Variants in CUX2 observed in about 807,000 individuals in gnomAD.
CUX2 encodes homeobox protein cut-like 2.
Under a neutral mutation model 144.8 loss-of-function variants are expected in CUX2, and 40 were observed. That is an observed-to-expected ratio of 0.28 (90% CI 0.21 to 0.36). The LOEUF (loss-of-function observed/expected upper bound fraction) is 0.36, where lower values mean the gene tolerates loss of function less well. Among genes scored for constraint, CUX2 ranks in the 10% least tolerant of loss-of-function variants. CUX2 has a pLI of 1.00. For missense variants in CUX2, 1,615 were observed against 1,994.0 expected (o/e 0.81, Z 3.62); for synonymous variants, 827 against 875.6 (o/e 0.94, Z 0.98).
In CUX2 at chr12:111,310,244, G is replaced by A; in HGVS notation, c.1462G>A (p.Glu488Lys). 1 of 1,509,842 alleles carries A rather than the reference G, an allele frequency of 6.6e-7. No homozygotes were observed. The highest frequency in any genetic ancestry group is 1.3e-5 in the South Asian group (1 of 74,164). 93.5% of individuals were successfully genotyped at this position (1,509,842 alleles called of 1,614,324 possible). A position where few individuals can be genotyped will look rare whatever the true frequency, so the allele number is the denominator to read the frequency against. The change falls in exon 15 of 22, where the codon GAG becomes AAG. Residue 488 changes from glutamate to lysine, a missense_variant. Glu to Lys is a moderately conservative substitution (Grantham distance 56). Transcript: ENST00000261726. This position sits in a 1 kb window ranked among gnomAD's most constrained non-coding sequence, Gnocchi z 7.9. ...LSPFPSLASGERLMMPPAAFK... is the reference protein window; with the variant it reads ...LSPFPSLASGKRLMMPPAAFK... ...CCCCTTCCCCAGCCTGGCATCAGGG[G>A]AGAGACTGATGATGCCCCCAGCCGC...
intron 1 of CUX2, among the ~76,000 whole-genome samples, chr12:111,148,048 C>G (rs1876808738): frequency 6.6e-6 from 1 of 152,216 alleles, no homozygotes; most frequent in African/African-American, 2.4e-5. Context: ...TCTTGCTACA[C>G]ACCCTAAAAA....
chr12:111,089,105 G>A (rs1237596229), intron 1 of CUX2, among the ~76,000 whole-genome samples: 2 of 152,220 alleles, frequency 1.3e-5, no homozygotes, highest in Admixed American at 1.3e-4. Context: ...ATTCCAAGTG[G>A]AGATGCAGTT....
intron 1 of CUX2, among the ~76,000 whole-genome samples, chr12:111,203,399 G>A (rs1342328982): frequency 6.6e-6 from 1 of 151,918 alleles, no homozygotes; most frequent in Non-Finnish European, 1.5e-5. Flanking sequence ...TAAAAAGTTA[G>A]TTGCACGTGG....
At chr12:111,235,684 G>A (rs1882704223) in intron 3 of CUX2, among the ~76,000 whole-genome samples, 1 of 151,882 alleles carries the variant, frequency 6.6e-6, no homozygotes, top group African/African-American at 2.4e-5. Context: ...TCGCGCCACT[G>A]CACTCTAGCC....
chr12:111,346,542 G>A (rs976871131), intron 21 of CUX2, among the ~76,000 whole-genome samples: 12 of 151,700 alleles, frequency 7.9e-5, no homozygotes, highest in African/African-American at 2.2e-4. Context: ...CATGATAAGC[G>A]CCCATTATTA....
At chr12:111,337,178 A>G (rs1417770686) in intron 19 of CUX2, among the ~76,000 whole-genome samples, 1 of 151,878 alleles carries the variant, frequency 6.6e-6, no homozygotes, top group Admixed American at 6.6e-5. Flanking sequence ...TTGTCCCCAA[A>G]AAAATGAAAA....
At chr12:111,200,546 C>CTTT (rs1880514472) in intron 1 of CUX2, among the ~76,000 whole-genome samples, 1 of 151,886 alleles carries the variant, frequency 6.6e-6, no homozygotes, top group Admixed American at 6.6e-5. Flanking sequence ...GAGCTTCTGT[C>CTTT]GTGGGGTCAT....
chr12:111,119,393 C>T (rs1226459990), intron 1 of CUX2, among the ~76,000 whole-genome samples: 1 of 151,910 alleles, frequency 6.6e-6, no homozygotes, highest in Non-Finnish European at 1.5e-5. Flanking sequence ...CGCTTGAGTC[C>T]AGGAATTTGA....
At chr12:111,056,924 T>A (rs1005039939) in intron 1 of CUX2, among the ~76,000 whole-genome samples, 1 of 151,398 alleles carries the variant, frequency 6.6e-6, no homozygotes, top group African/African-American at 2.4e-5. Context: ...GTGAGGTGAG[T>A]TGGTGTGACA....
At chr12:111,165,785 T>C (rs942562987) in intron 1 of CUX2, among the ~76,000 whole-genome samples, 2 of 152,112 alleles carry the variant, frequency 1.3e-5, no homozygotes, top group African/African-American at 4.8e-5. Flanking sequence ...GGTGGGAAAA[T>C]GTACACCATG....
At position 111,253,181 on chromosome 12, in the gene CUX2, C is replaced by T. The variant is rs866111039; in HGVS notation, c.223-10580C>T. 2.6e-5 allele frequency among the ~76,000 whole-genome samples: 4 copies of T among 152,130 alleles called. No individual in the cohort carries two copies. In the South Asian group the frequency reaches 8.3e-4, roughly 32 times the overall value. The stretch of plus-strand genomic sequence containing the variant: ...TTCTCCGCACAACAGCCAGATGGGT[C>T]CTGTTAAAACGCGTGTCAGATCACA... On this transcript the variant is annotated intron_variant, in intron 3 of 21. Coordinates refer to ENST00000261726, the MANE Select transcript of CUX2 (RefSeq NM_015267.4).
Position 111,277,522 on chromosome 12 carries a change from G to A in CUX2, c.301+13683G>A, listed in dbSNP as rs1311596330. On this transcript the variant is annotated intron_variant, in intron 4 of 21. Coordinates refer to ENST00000261726, the MANE Select transcript of CUX2 (RefSeq NM_015267.4). This position sits in a 1 kb window ranked among gnomAD's most constrained non-coding sequence, Gnocchi z 5.0. ...CCCCTCACCAGGCTGCCCATTTAGC[G>A]CCACCCAGCCCACCCTCTCCCCCAG... Among the ~76,000 whole-genome samples, 5 of 151,622 alleles carry A rather than the reference G, an allele frequency of 3.3e-5. No homozygotes were observed. The highest frequency in any genetic ancestry group is 2.1e-4 in the South Asian group (1 of 4,798).
At chr12:111,135,174 G>A (rs1304370426) in intron 1 of CUX2, among the ~76,000 whole-genome samples, 3 of 151,440 alleles carry the variant, frequency 2.0e-5, no homozygotes, top group Non-Finnish European at 4.4e-5. Flanking sequence ...TGTGTGGTCC[G>A]TCCACAGTGA....
chr12:111,302,579 C>T (rs1287754771), intron 9 of CUX2, among the ~76,000 whole-genome samples: 1 of 152,160 alleles, frequency 6.6e-6, no homozygotes, highest in African/African-American at 2.4e-5. Context: ...TTGAATGCTT[C>T]CTTCCAGGTA....
At chr12:111,151,050 A>G (rs1033864697) in intron 1 of CUX2, among the ~76,000 whole-genome samples, 2 of 152,180 alleles carry the variant, frequency 1.3e-5, no homozygotes, top group African/African-American at 4.8e-5. Flanking sequence ...TGTAATTTTT[A>G]TCTCTTGACC....
At chr12:111,342,677 G>A in intron 21 of CUX2, among the ~76,000 whole-genome samples, 1 of 151,866 alleles carries the variant, frequency 6.6e-6, no homozygotes, top group East Asian at 1.9e-4. Context: ...CTAGCGTGTA[G>A]GCCAGGCGCG....
chr12:111,326,419 G>T (rs138605039), intron 18 of CUX2, among the ~76,000 whole-genome samples: 1 of 134,814 alleles, frequency 7.4e-6, no homozygotes, highest in African/African-American at 2.9e-5. Flanking sequence ...TTGTGTTGGG[G>T]GAGGGGTGGG....
rs181472819 is a variant in CUX2 at position 111,136,495 on chromosome 12, A to C, written c.64-77705A>C. Reference sequence around the variant, plus strand: ...AGGGAGACCCCAGCTGCATTTGAGCAGCCTCTGGAAAAATTGCAGGTGCAG... The same window carrying C: ...AGGGAGACCCCAGCTGCATTTGAGCCGCCTCTGGAAAAATTGCAGGTGCAG... On this transcript the variant is annotated intron_variant, in intron 1 of 21. Transcript: ENST00000261726. Among the ~76,000 whole-genome samples the C allele has an allele frequency of 4.8e-3, 724 of 152,292 alleles. 6 individuals are homozygous for C. Among genetic ancestry groups the C allele is most frequent in the African/African-American group, 0.016 (673 of 41,570 alleles).
intron 3 of CUX2, among the ~76,000 whole-genome samples, chr12:111,237,011 T>C (rs1360540346): frequency 1.3e-5 from 2 of 152,074 alleles, no homozygotes; most frequent in Non-Finnish European, 2.9e-5. Context: ...TAGTTGGGTG[T>C]GGTGACATGT....
Sources: allele counts gnomAD v4.1 joint callset (sites outside exome capture counted in the v4.1 genomes callset), GRCh38; gene constraint gnomAD v4.1.1; non-coding constraint Gnocchi (gnomAD v3.1); transcripts MANE v1.5; gene names NCBI Gene and HGNC (gene_info 2026-07-23, HGNC 2026-07-21).